Variants in TPO observed in about 807,000 individuals in gnomAD.
TPO encodes thyroid microsomal antigen.
In TPO, 78 loss-of-function variants were observed where a neutral mutation model predicts 96.9. The ratio of observed to expected loss-of-function variants is 0.81; its 90% CI spans 0.67 to 0.97. The LOEUF (loss-of-function observed/expected upper bound fraction) is 0.97, where lower values mean the gene tolerates loss of function less well. TPO is among the 50% of genes least tolerant of loss of function. TPO has a pLI of 0.00. For missense variants in TPO, 1,252 were observed against 1,274.8 expected (o/e 0.98, Z 0.27); for synonymous variants, 547 against 538.0 (o/e 1.02, Z -0.23).
At chr2:1,443,300 G>GGC (rs1421182853) in intron 5 of TPO, among the ~76,000 whole-genome samples, 1 of 151,300 alleles carries the variant, frequency 6.6e-6, no homozygotes, top group Non-Finnish European at 1.5e-5. Context: ...AAGGGAGTGG[G>GGC]GCAGGCTCCT....
chr2:1,469,513 A>G (rs1378565820), intron 7 of TPO, among the ~76,000 whole-genome samples: 1 of 152,142 alleles, frequency 6.6e-6, no homozygotes, highest in Non-Finnish European at 1.5e-5. Context: ...AAATTGTTAC[A>G]AAGTTCAGCT....
intron 7 of TPO, among the ~76,000 whole-genome samples, chr2:1,472,593 C>T (rs1465630995): frequency 1.3e-5 from 2 of 152,146 alleles, no homozygotes; most frequent in Non-Finnish European, 2.9e-5. Context: ...CTGTTCCACA[C>T]TCCGGGTCAC....
chr2:1,541,192 T>C, intron 16 of TPO: 1 of 1,170,450 alleles, frequency 8.5e-7, no homozygotes, highest in African/African-American at 1.6e-5. Context: ...GTCTGACTTT[T>C]GAACTGAGAG....
At chr2:1,470,121 C>T (rs554172788) in intron 7 of TPO, among the ~76,000 whole-genome samples, 1 of 152,228 alleles carries the variant, frequency 6.6e-6, no homozygotes, top group South Asian at 2.1e-4. Context: ...TTACATAATT[C>T]CTATTATTTT....
chr2:1,531,278 TC>T (rs1403506628), intron 15 of TPO, among the ~76,000 whole-genome samples: 5 of 77,830 alleles, frequency 6.4e-5, no homozygotes, highest in South Asian at 4.1e-4. Flanking sequence ...CCTTCTCAAA[TC>T]CCCCCTAATG....
chr2:1,530,972 C>A (rs549485050), intron 15 of TPO, among the ~76,000 whole-genome samples: 7 of 121,176 alleles, frequency 5.8e-5, no homozygotes, highest in Non-Finnish European at 8.4e-5. Context: ...CAAATCCCCC[C>A]AGTATGTGCA....
Position 1,456,073 on chromosome 2 carries a change from C to G in TPO, c.613-3C>G. On this transcript the variant is annotated splice_region_variant and splice_polypyrimidine_tract_variant and intron_variant, in intron 6 of 16. Coordinates refer to ENST00000329066, the MANE Select transcript of TPO (RefSeq NM_001206744.2). ...TCCTGACCAATGGTCTCTTCCTACC[C>G]AGGTCCGGGAGGTGACAAGACATGT... 6.2e-7 allele frequency: 1 copy of G among 1,613,456 alleles called. No individual in the cohort carries two copies. The highest frequency in any genetic ancestry group is 1.1e-5 in the South Asian group (1 of 90,848).
chr2:1,462,205 G>T (rs1668510158), intron 7 of TPO, among the ~76,000 whole-genome samples: 1 of 152,136 alleles, frequency 6.6e-6, no homozygotes, highest in Admixed American at 6.5e-5. Flanking sequence ...GCTGGGGCAG[G>T]TGCTGCGGGC....
rs755264246 is a variant in TPO at position 1,542,516 on chromosome 2, A to C, written c.*42A>C. The C allele has an allele frequency of 3.7e-6, 6 of 1,612,964 alleles. No homozygotes were observed. The African/African-American group carries it at 6.7e-5, about 18-fold the overall frequency. On this transcript the variant is annotated 3_prime_UTR_variant, in exon 17 of 17. Coordinates refer to ENST00000329066, the MANE Select transcript of TPO (RefSeq NM_001206744.2). ...CACTGCAGAACAGCTTCATGTTCCC[A>C]AAATCACCGTACGACTCTTTTCCAA...
At chr2:1,462,772 A>G (rs1476520376) in intron 7 of TPO, among the ~76,000 whole-genome samples, 2 of 152,220 alleles carry the variant, frequency 1.3e-5, no homozygotes, top group African/African-American at 4.8e-5. Flanking sequence ...CCTAGGGACA[A>G]TGTCCAAACT....
chr2:1,472,656 A>G (rs958535403), intron 7 of TPO, among the ~76,000 whole-genome samples: 3 of 152,092 alleles, frequency 2.0e-5, no homozygotes, highest in East Asian at 1.9e-4. Context: ...GTGGATCACC[A>G]GAAGTGACAC....
chr2:1,476,856 G>C (rs1377361497), intron 7 of TPO, among the ~76,000 whole-genome samples: 1 of 151,030 alleles, frequency 6.6e-6, no homozygotes, highest in Non-Finnish European at 1.5e-5. Flanking sequence ...AGGCCAGGGG[G>C]GAGGTGGGGG....
At chr2:1,503,692 A>T (rs1303915174) in intron 13 of TPO, 16 of 684,748 alleles carry the variant, frequency 2.3e-5, no homozygotes, top group African/African-American at 5.3e-5. Flanking sequence ...GTCTCCTGTG[A>T]CTCGGGCCTG....
chr2:1,516,818 C>T (rs1420193993), intron 14 of TPO, 65 bp from the exon 15 acceptor site: 45 of 1,490,276 alleles, frequency 3.0e-5, no homozygotes, highest in Non-Finnish European at 4.2e-5. Context: ...CAGACTCAGG[C>T]AGGACAACCT....
upstream of TPO, among the ~76,000 whole-genome samples, chr2:1,411,619 T>A (rs1662348003): frequency 6.6e-6 from 1 of 152,154 alleles, no homozygotes; most frequent in African/African-American, 2.4e-5. Context: ...CTCCATCAGC[T>A]CCGGAGGTCA....
intron 15 of TPO, among the ~76,000 whole-genome samples, chr2:1,517,999 G>T (rs1250256401): frequency 6.6e-6 from 1 of 151,964 alleles, no homozygotes; most frequent in Admixed American, 6.6e-5. Context: ...CCTCTGCCAG[G>T]ATGACCCCTG....
chr2:1,460,786 G>C (rs1229043062), intron 7 of TPO, among the ~76,000 whole-genome samples: 1 of 152,154 alleles, frequency 6.6e-6, no homozygotes, highest in South Asian at 2.1e-4. Context: ...GCTGCACTGA[G>C]AGAACTACTC....
chr2:1,536,844 T>TC (rs1679785508), intron 15 of TPO, among the ~76,000 whole-genome samples: 3 of 52,566 alleles, frequency 5.7e-5, no homozygotes, highest in African/African-American at 2.1e-4. Flanking sequence ...CCTCCCCAAA[T>TC]CCCGCCACTG....
intron 7 of TPO, among the ~76,000 whole-genome samples, chr2:1,471,310 C>A (rs1243428890): frequency 6.6e-6 from 1 of 152,076 alleles, no homozygotes; most frequent in Non-Finnish European, 1.5e-5. Flanking sequence ...TCTTTATTTT[C>A]TATTACCTTC....
Sources: gnomAD v4.1 joint callset for allele counts (sites outside exome capture counted in the v4.1 genomes callset) on GRCh38, gnomAD v4.1.1 for gene constraint, MANE v1.5 for transcripts, NCBI Gene and HGNC (gene_info 2026-07-23, HGNC 2026-07-21) for gene names.